Variants in TSHZ3 observed in about 807,000 individuals in gnomAD.
The protein encoded by TSHZ3 is teashirt zinc finger homeobox 3.
A neutral mutation model predicts 64.5 loss-of-function variants in TSHZ3; 10 were observed. The ratio of observed to expected loss-of-function variants is 0.16; its 90% CI spans 0.10 to 0.26. TSHZ3 has a LOEUF of 0.26. Ranked by LOEUF, TSHZ3 falls within the 10% of genes least tolerant of loss-of-function variation. The pLI, the probability that TSHZ3 is intolerant of heterozygous loss-of-function variation, is 1.00. For missense variants in TSHZ3, 1,242 were observed against 1,421.7 expected (o/e 0.87, Z 2.03); for synonymous variants, 608 against 593.1 (o/e 1.03, Z -0.36).
At position 31,278,643 on chromosome 19, in the gene TSHZ3, G is replaced by A; in HGVS notation, c.1150C>T (p.Gln384Ter). Residue 384 changes from glutamine to a stop codon, truncating the protein, a stop_gained, in exon 2 of 2, where the codon CAG (glutamine) becomes TAG (stop). Coordinates refer to ENST00000240587, the MANE Select transcript of TSHZ3 (RefSeq NM_020856.4). LOFTEE classifies it high-confidence loss of function. This position sits in a 1 kb window ranked among gnomAD's most constrained non-coding sequence, Gnocchi z 4.7. ...YAWHFEARKS[Q>*]ILKCMECGSS... Reference sequence around the variant, plus strand: ...CCACACTCCATGCACTTCAGGATCTGCGACTTCCGGGCCTCAAAGTGCCAT... The same window carrying A: ...CCACACTCCATGCACTTCAGGATCTACGACTTCCGGGCCTCAAAGTGCCAT... 6.2e-7 allele frequency: 1 copy of A among 1,614,164 alleles called. No individual in the cohort carries two copies. The highest frequency in any genetic ancestry group is 8.5e-7 in the Non-Finnish European group (1 of 1,180,014).
chr19:31,265,372 G>A (rs1378673190), intron 1 of TSHZ3, among the ~76,000 whole-genome samples: 1 of 130,316 alleles, frequency 7.7e-6, no homozygotes, highest in African/African-American at 3.1e-5. Flanking sequence ...ACTCCAGCCT[G>A]GGCAATAAGA....
intron 1 of TSHZ3, among the ~76,000 whole-genome samples, chr19:31,325,636 C>G (rs1175068824): frequency 6.6e-6 from 1 of 152,134 alleles, no homozygotes; most frequent in African/African-American, 2.4e-5. Flanking sequence ...ATTTTGTTAA[C>G]CTGAACATAC....
intron 1 of TSHZ3, among the ~76,000 whole-genome samples, chr19:31,332,871 C>T (rs1000806047): frequency 1.3e-5 from 2 of 151,816 alleles, no homozygotes; most frequent in Non-Finnish European, 2.9e-5. Context: ...TTTTGGAGAC[C>T]GAGGAGGGTA....
At chr19:31,257,178 G>A (rs1045447437) in intron 1 of TSHZ3, among the ~76,000 whole-genome samples, 1 of 152,162 alleles carries the variant, frequency 6.6e-6, no homozygotes, top group Non-Finnish European at 1.5e-5. Context: ...TGTAAGCAGA[G>A]GGAAGGATGT....
chr19:31,266,933 C>T (rs2145203049), intron 1 of TSHZ3, among the ~76,000 whole-genome samples: 1 of 152,324 alleles, frequency 6.6e-6, no homozygotes, highest in East Asian at 1.9e-4. Context: ...TGGCATCCAT[C>T]CTTCACAGTA....
chr19:31,164,461 G>A (rs537648603), intron 5 of TSHZ3, among the ~76,000 whole-genome samples: 1 of 152,268 alleles, frequency 6.6e-6, no homozygotes, highest in East Asian at 1.9e-4. Flanking sequence ...TTCCCTGGCA[G>A]CCACCTACAG....
chr19:31,239,926 T>A (rs1009801882), intron 3 of TSHZ3, among the ~76,000 whole-genome samples: 2 of 152,338 alleles, frequency 1.3e-5, no homozygotes, highest in East Asian at 3.9e-4. Flanking sequence ...GTAAGTTATT[T>A]TTATCCTTTT....
chr19:31,287,601 T>C (rs955862235), intron 1 of TSHZ3, among the ~76,000 whole-genome samples: 3 of 147,370 alleles, frequency 2.0e-5, no homozygotes, highest in African/African-American at 7.6e-5. Flanking sequence ...GAAAGAGAGA[T>C]GGGAGAGGAA....
chr19:31,292,922 CAA>C, intron 1 of TSHZ3, among the ~76,000 whole-genome samples: 1 of 146,820 alleles, frequency 6.8e-6, no homozygotes, highest in Admixed American at 8.0e-5. Context: ...TCCATCCAAC[CAA>C]AAACCCATCC....
chr19:31,176,084 G>A (rs1974602780), intron 5 of TSHZ3, among the ~76,000 whole-genome samples: 1 of 152,202 alleles, frequency 6.6e-6, no homozygotes, highest in Admixed American at 6.5e-5. Context: ...TCTGGGGTTG[G>A]GGGCACCTTG....
chr19:31,310,381 G>A (rs1916423446), intron 1 of TSHZ3, among the ~76,000 whole-genome samples: 1 of 152,158 alleles, frequency 6.6e-6, no homozygotes, highest in Admixed American at 6.5e-5. Flanking sequence ...CATTCCACAT[G>A]CATTTCCTTT....
At chr19:31,192,343 T>A (rs1974923155) in intron 5 of TSHZ3, among the ~76,000 whole-genome samples, 1 of 152,216 alleles carries the variant, frequency 6.6e-6, no homozygotes, top group Non-Finnish European at 1.5e-5. Context: ...CAATTACTCT[T>A]GGGCAGAAAC....
Position 31,279,741 on chromosome 19 carries a change from C to A in TSHZ3, c.52G>T (p.Glu18Ter). ...APRRAAAYVSEELKAAALVDE... is the reference protein window; with the variant it reads ...APRRAAAYVS ...ACCAGGGCAGCAGCCTTTAACTCTT[C>A]GGAAACATAGGCTGCCATGATAACA... The change falls in exon 2 of 2, where the codon GAA becomes TAA. Residue 18 changes from glutamate to a stop codon, truncating the protein, a stop_gained. Coordinates refer to ENST00000240587, the MANE Select transcript of TSHZ3 (RefSeq NM_020856.4). LOFTEE classifies it high-confidence loss of function. The surrounding 1 kb of genome is among the most constrained non-coding windows in gnomAD (Gnocchi z 6.4). The A allele has an allele frequency of 6.7e-7, 1 of 1,491,096 alleles. No homozygotes were observed. Among genetic ancestry groups the A allele is most frequent in the Non-Finnish European group, 8.9e-7 (1 of 1,119,564 alleles). The allele number at this position is 1,491,096 out of a possible 1,614,324, so 92.4% of individuals were successfully genotyped here.
intron 1 of TSHZ3, among the ~76,000 whole-genome samples, chr19:31,313,116 G>A (rs1266419115): frequency 6.6e-6 from 1 of 152,074 alleles, no homozygotes; most frequent in Non-Finnish European, 1.5e-5. Context: ...AAACCTGCTT[G>A]GGGGCAAGGA....
intron 5 of TSHZ3, among the ~76,000 whole-genome samples, chr19:31,177,163 T>G (rs2145121456): frequency 6.6e-6 from 1 of 152,338 alleles, no homozygotes; most frequent in African/African-American, 2.4e-5. Flanking sequence ...CTGGGACCTA[T>G]CCAAGAATCC....
Position 31,278,819 on chromosome 19 carries a change from G to C in TSHZ3, c.974C>G (p.Ser325Cys), listed in dbSNP as rs199546310. 165 of 1,614,194 alleles carry C rather than the reference G, an allele frequency of 1.0e-4. No homozygotes were observed. In the East Asian group the frequency reaches 2.5e-3, roughly 25 times the overall value. ...KIIPATRKKASLELELPSSPD... is the reference protein window; with the variant it reads ...KIIPATRKKACLELELPSSPD... The stretch of plus-strand genomic sequence containing the variant: ...GGAGCTGGGGAGCTCCAGCTCCAGG[G>C]AAGCTTTCTTCCGAGTGGCAGGGAT... Residue 325 changes from serine to cysteine, a missense_variant, in exon 2 of 2, where the codon TCC becomes TGC. This residue lies in a region of TSHZ3 where 555 missense variants were observed against 704.0 expected (regional missense o/e 0.79). Transcript: ENST00000240587. This position sits in a 1 kb window ranked among gnomAD's most constrained non-coding sequence, Gnocchi z 4.7.
intron 3 of TSHZ3, among the ~76,000 whole-genome samples, chr19:31,229,348 G>A (rs554167049): frequency 2.6e-5 from 4 of 152,304 alleles, no homozygotes; most frequent in Admixed American, 1.3e-4. Context: ...ATTGGACCAA[G>A]GATGGGCAGG....
At chr19:31,199,491 C>A (rs1409821305) in intron 5 of TSHZ3, among the ~76,000 whole-genome samples, 2 of 149,422 alleles carry the variant, frequency 1.3e-5, no homozygotes, top group Non-Finnish European at 3.0e-5. Context: ...AATAAATAAT[C>A]TTTTCACAAA....
intron 4 of TSHZ3, among the ~76,000 whole-genome samples, chr19:31,208,578 T>C (rs1255528991): frequency 6.6e-6 from 1 of 152,174 alleles, no homozygotes; most frequent in African/African-American, 2.4e-5. Context: ...TCCTGTAGAG[T>C]GAGTGTAGCA....
Sources: gnomAD v4.1 joint callset for allele counts (sites outside exome capture counted in the v4.1 genomes callset) on GRCh38, gnomAD v4.1.1 for gene constraint, gnomAD v4.1.1 regional missense constraint, Gnocchi (gnomAD v3.1) non-coding constraint, MANE v1.5 for transcripts, NCBI Gene and HGNC (gene_info 2026-07-23, HGNC 2026-07-21) for gene names.